DOCK8: variants seen among roughly 807,000 people sequenced by gnomAD.
DOCK8 encodes the protein dedicator of cytokinesis 8, also known as dedicator of cytokinesis protein 8.
Under a neutral mutation model 245.6 loss-of-function variants are expected in DOCK8, and 141 were observed. The observed-to-expected ratio is 0.57, with a 90% CI of 0.50 to 0.66. The LOEUF is 0.66. Ranked by LOEUF, DOCK8 falls within the 30% of genes least tolerant of loss-of-function variation. The pLI is 0.00. For synonymous variants in DOCK8, 1,168 were observed against 970.2 expected, an observed-to-expected ratio of 1.20 and a Z score of -3.79; for missense variants, 2,965 against 2,603.4, an observed-to-expected ratio of 1.14 and a Z score of -3.02.
intron 1 of DOCK8, among the ~76,000 whole-genome samples, chr9:228,173 A>G (rs1035693582): frequency 3.3e-5 from 5 of 152,160 alleles, no homozygotes; most frequent in African/African-American, 1.2e-4. Context: ...AGGCCCCTAC[A>G]AGGCTGTGAC....
intron 14 of DOCK8, among the ~76,000 whole-genome samples, chr9:361,178 G>A (rs1050696160): frequency 1.3e-5 from 2 of 152,048 alleles, no homozygotes; most frequent in African/African-American, 2.4e-5. Flanking sequence ...CAAAAAAAGA[G>A]GCTGTGACAG....
At chr9:337,345 C>T (rs367771935) in intron 12 of DOCK8, among the ~76,000 whole-genome samples, 4 of 152,264 alleles carry the variant, frequency 2.6e-5, no homozygotes, top group Non-Finnish European at 5.9e-5. Context: ...TCTTAGAGTG[C>T]CTGGAATACA....
intron 44 of DOCK8, among the ~76,000 whole-genome samples, chr9:448,424 T>A (rs889088703): frequency 6.6e-6 from 1 of 152,180 alleles, no homozygotes; most frequent in Non-Finnish European, 1.5e-5. Context: ...TTCTTGGCCT[T>A]CCTTCGTTCC....
chr9:403,962 A>G (rs144232000), intron 26 of DOCK8, among the ~76,000 whole-genome samples: 3,765 of 65,934 alleles, frequency 0.057, 112 homozygotes, highest in Admixed American at 0.12. Context: ...ATATATATGT[A>G]TATATATATA....
At chr9:409,942 C>T (rs1030788986) in intron 28 of DOCK8, among the ~76,000 whole-genome samples, 2 of 152,000 alleles carry the variant, frequency 1.3e-5, no homozygotes, top group Non-Finnish European at 2.9e-5. Context: ...ATCCAGTCTA[C>T]CATTGATGGA....
intron 6 of DOCK8, among the ~76,000 whole-genome samples, chr9:315,586 G>A (rs1487850514): frequency 6.6e-6 from 1 of 152,152 alleles, no homozygotes; most frequent in Non-Finnish European, 1.5e-5. Context: ...ATCTTTTAAA[G>A]ATATGTACTG....
intron 6 of DOCK8, among the ~76,000 whole-genome samples, chr9:313,666 T>C (rs10813241): frequency 0.39 from 59,385 of 152,072 alleles, 11,930 homozygotes; most frequent in African/African-American, 0.42. Context: ...GAGGAATACG[T>C]TTTAGTGACC....
At chr9:353,597 G>A (rs970755781) in intron 14 of DOCK8, among the ~76,000 whole-genome samples, 51 of 152,236 alleles carry the variant, frequency 3.4e-4, no homozygotes, top group Non-Finnish European at 4.9e-4. Flanking sequence ...TGGGAAAAAT[G>A]TGCTTTCTCT....
intron 34 of DOCK8, 26 bp from the exon 35 acceptor site, chr9:428,336 A>G (rs372075036): frequency 9.5e-5 from 154 of 1,613,904 alleles, no homozygotes; most frequent in South Asian, 3.6e-4. Context: ...CAGGGATTCA[A>G]TGATGCTGTT....
At chr9:345,402 G>A (rs16932541) in intron 14 of DOCK8, among the ~76,000 whole-genome samples, 11,041 of 152,238 alleles carry the variant, frequency 0.073, 596 homozygotes, top group African/African-American at 0.15. Flanking sequence ...AGCCAGGTTT[G>A]GGATTTCAAA....
intron 1 of DOCK8, among the ~76,000 whole-genome samples, chr9:232,165 T>C (rs940543341): frequency 1.3e-5 from 2 of 152,206 alleles, no homozygotes; most frequent in Non-Finnish European, 2.9e-5. Context: ...ATGTGGTTTT[T>C]GCCTTTGGTT....
At chr9:396,980 A>G (rs373182565) in intron 25 of DOCK8, 46 bp downstream of exon 25, 6 of 1,564,112 alleles carry the variant, frequency 3.8e-6, no homozygotes, top group African/African-American at 2.7e-5. Context: ...TACCTGGAAC[A>G]TATATTACTT....
At chr9:337,884 A>T (rs577434062) in intron 12 of DOCK8, among the ~76,000 whole-genome samples, 2 of 152,296 alleles carry the variant, frequency 1.3e-5, no homozygotes, top group Non-Finnish European at 2.9e-5. Flanking sequence ...GGCCGGGCGC[A>T]GTGGCTCATG....
intron 14 of DOCK8, among the ~76,000 whole-genome samples, chr9:365,087 C>T (rs1485373914): frequency 6.6e-6 from 1 of 152,186 alleles, no homozygotes; most frequent in Non-Finnish European, 1.5e-5. Flanking sequence ...AAGGTCAGAG[C>T]CATTGCCAAG....
chr9:412,273 C>G (rs934771583), intron 28 of DOCK8, among the ~76,000 whole-genome samples: 1 of 151,858 alleles, frequency 6.6e-6, no homozygotes, highest in African/African-American at 2.4e-5. Flanking sequence ...GCATTGGTGG[C>G]TTGTGTTTGT....
chr9:378,198 GGA>G (rs137919194), intron 20 of DOCK8, among the ~76,000 whole-genome samples: 2,170 of 152,330 alleles, frequency 0.014, 57 homozygotes, highest in African/African-American at 0.049. Flanking sequence ...TGGTATCAAA[GGA>G]GAGAGTGAGA....
At chr9:323,990 A>G (rs1443197199) in intron 7 of DOCK8, among the ~76,000 whole-genome samples, 1 of 152,258 alleles carries the variant, frequency 6.6e-6, no homozygotes, top group Non-Finnish European at 1.5e-5. Context: ...TTTAAGATAC[A>G]TTCACACACA....
In DOCK8 at chr9:340,235, A is replaced by G; in HGVS notation, c.1593A>G (p.Lys531=). The change falls in exon 14 of 48, where the codon AAA becomes AAG. Residue 531 remains lysine, a synonymous_variant. Transcript: ENST00000432829. ...CCLTPEMLPV[K]PFPENRTRPH... ...TGACTCCTGAAATGCTGCCCGTGAA[A>G]CCCTTTCCTGAAAACCGGACACGCC... The G allele has an allele frequency of 6.2e-7, 1 of 1,613,996 alleles. No homozygotes were observed. The highest frequency in any genetic ancestry group is 8.5e-7 in the Non-Finnish European group (1 of 1,180,002).
At chr9:367,983 C>A (rs1242594256) in intron 14 of DOCK8, 35 bp from the exon 15 acceptor site, 3 of 1,533,294 alleles carry the variant, frequency 2.0e-6, no homozygotes, top group Non-Finnish European at 2.7e-6. Flanking sequence ...AAACTCTAGA[C>A]CTTTTTCATT....
Sources: allele counts gnomAD v4.1 joint callset (sites outside exome capture counted in the v4.1 genomes callset), GRCh38; gene constraint gnomAD v4.1.1; transcripts MANE v1.5; gene names NCBI Gene and HGNC (gene_info 2026-07-23, HGNC 2026-07-21).